The following TRIM5 variants were observed in gnomAD, a reference collection of about 807,000 sequenced individuals.
TRIM5 encodes tripartite motif containing 5, also known as tripartite motif-containing protein 5.
A neutral mutation model predicts 35.6 loss-of-function variants in TRIM5; 31 were observed. That is an observed-to-expected ratio of 0.87 (90% CI 0.65 to 1.18). The LOEUF (loss-of-function observed/expected upper bound fraction) is 1.18. TRIM5 is among the 50% of genes most tolerant of loss of function. TRIM5 has a pLI of 0.00. For missense variants in TRIM5, 609 were observed against 591.6 expected (o/e 1.03, Z -0.31); for synonymous variants, 243 against 215.6 (o/e 1.13, Z -1.11).
At chr11:5,669,078 T>A (rs1174957845) in intron 4 of TRIM5, among the ~76,000 whole-genome samples, 2 of 136,586 alleles carry the variant, frequency 1.5e-5, no homozygotes, top group Admixed American at 7.1e-5. Context: ...TTGGTCTACA[T>A]TCTTTTTTTT....
At chr11:5,625,068 G>GGGA in the TRIM5 span, 1 of 152,414 alleles carries the variant, frequency 6.6e-6, no homozygotes, top group East Asian at 1.9e-4. Flanking sequence ...AAGGTGTGTG[G>GGGA]GGAGGTTTGT....
chr11:5,605,171 G>A, the TRIM5 span: 1 of 910,026 alleles, frequency 1.1e-6, no homozygotes, highest in Non-Finnish European at 1.7e-6. Context: ...AGGGAGAAAA[G>A]AAGGAAAGAA....
At chr11:5,649,369 G>A in the TRIM5 span, among the ~76,000 whole-genome samples, 1 of 152,116 alleles carries the variant, frequency 6.6e-6, no homozygotes, top group Non-Finnish European at 1.5e-5. Flanking sequence ...GAAGGGGCTT[G>A]GCCATTCCTC....
chr11:5,642,949 C>A, the TRIM5 span: 3 of 1,495,398 alleles, frequency 2.0e-6, no homozygotes, highest in African/African-American at 2.8e-5. Flanking sequence ...TCAGCACCTC[C>A]CAAAACATTT....
chr11:5,657,645 T>TA, the TRIM5 span, among the ~76,000 whole-genome samples: 2 of 122,438 alleles, frequency 1.6e-5, no homozygotes, highest in African/African-American at 6.4e-5. Context: ...ATATTATTTA[T>TA]ATATTATATA....
At chr11:5,660,880 A>C (rs998340539), downstream of TRIM5, among the ~76,000 whole-genome samples, 37 of 151,680 alleles carry the variant, frequency 2.4e-4, no homozygotes, top group African/African-American at 8.5e-4. Flanking sequence ...GACTCTACTA[A>C]AAATACCAAA....
At position 5,675,256 on chromosome 11, in the gene TRIM5, T is replaced by C. The variant is rs140922519; in HGVS notation, c.744+2948A>G. Among the ~76,000 whole-genome samples the C allele has an allele frequency of 3.8e-3, 575 of 152,204 alleles. 6 individuals are homozygous for C. Among genetic ancestry groups the C allele is most frequent in the African/African-American group, 0.014 (561 of 41,516 alleles). On this transcript the variant is annotated intron_variant, in intron 4 of 7. Coordinates refer to ENST00000380034, the MANE Select transcript of TRIM5 (RefSeq NM_033034.3). Reference sequence around the variant, plus strand: ...ATGCAAAATGAAAATATGCGGCCCCTTGTTCAAAATTTATTAAACATTTCA... The same window carrying C: ...ATGCAAAATGAAAATATGCGGCCCCCTGTTCAAAATTTATTAAACATTTCA...
the TRIM5 span, among the ~76,000 whole-genome samples, chr11:5,594,515 C>T: frequency 6.6e-6 from 1 of 152,062 alleles, no homozygotes; most frequent in Non-Finnish European, 1.5e-5. Flanking sequence ...CTATGTTGCC[C>T]AGGTTGGCCT....
At chr11:5,592,303 G>C in the TRIM5 span, among the ~76,000 whole-genome samples, 1 of 152,116 alleles carries the variant, frequency 6.6e-6, no homozygotes, top group African/African-American at 2.4e-5. Flanking sequence ...TCACTGACGA[G>C]CTATTGTGTT....
the TRIM5 span, among the ~76,000 whole-genome samples, chr11:5,609,503 T>C: frequency 8.5e-5 from 13 of 152,172 alleles, no homozygotes; most frequent in Non-Finnish European, 1.8e-4. Flanking sequence ...ATATCTTTTT[T>C]TAGAGGTAGC....
At chr11:5,610,878 T>G in the TRIM5 span, 5 of 1,614,206 alleles carry the variant, frequency 3.1e-6, no homozygotes, top group Admixed American at 1.7e-5. Flanking sequence ...TGGACCTTCC[T>G]GTCTGGAAAA....
chr11:5,641,233 A>G, the TRIM5 span: 3 of 1,613,614 alleles, frequency 1.9e-6, no homozygotes, highest in Non-Finnish European at 2.5e-6. Context: ...GTTATAAAGA[A>G]GTGTTTGTAG....
At chr11:5,667,922 C>T (rs1851269642) in intron 4 of TRIM5, among the ~76,000 whole-genome samples, 1 of 152,100 alleles carries the variant, frequency 6.6e-6, no homozygotes, top group Non-Finnish European at 1.5e-5. Context: ...TAGCTTTCAT[C>T]CCTGTGGAAG....
downstream of TRIM5, among the ~76,000 whole-genome samples, chr11:5,662,119 G>A (rs1459331594): frequency 6.6e-6 from 1 of 152,226 alleles, no homozygotes. Context: ...TGGTGCTGAG[G>A]TAGAGAGGTG....
At position 5,678,378 on chromosome 11, in the gene TRIM5, G is replaced by A. The variant is rs1310074289; in HGVS notation, c.570C>T (p.Asp190=). 6.2e-7 allele frequency: 1 copy of A among 1,603,736 alleles called. No individual in the cohort carries two copies. The highest frequency in any genetic ancestry group is 2.2e-5 in the East Asian group (1 of 44,626). ...NVLADFEQLR[D]ILDWEESNEL... is the part of the protein sequence containing the mutation. ...CATTGCTCTCCTCCCAGTCCAGGAT[G>A]TCTCTCAGTTGCTCAAAATCTGCCA... is the stretch of plus-strand genomic sequence containing the variant. The change falls in exon 4 of 8, where the codon GAC becomes GAT. Residue 190 remains aspartate (D), a synonymous_variant. Transcript: ENST00000380034.
intron 1 of TRIM5, among the ~76,000 whole-genome samples, chr11:5,680,629 C>T (rs1038537365): frequency 1.3e-5 from 2 of 152,220 alleles, no homozygotes; most frequent in Non-Finnish European, 2.9e-5. Context: ...AGGGCTTTCA[C>T]ATTTGCTCTT....
the TRIM5 span, chr11:5,596,905 G>A: frequency 1.5e-5 from 25 of 1,613,916 alleles, no homozygotes; most frequent in South Asian, 2.2e-5. Flanking sequence ...CAGATGTGCG[G>A]GTCAGAGAGG....
chr11:5,655,564 A>G, the TRIM5 span: 1 of 862,522 alleles, frequency 1.2e-6, no homozygotes, highest in Non-Finnish European at 1.4e-6. Context: ...TTATTTCAGT[A>G]AGAAACATTC....
the TRIM5 span, among the ~76,000 whole-genome samples, chr11:5,620,293 TC>T: frequency 0.063 from 9,368 of 148,000 alleles, 887 homozygotes; most frequent in African/African-American, 0.21. Context: ...TTCTCCTGCC[TC>T]AACCTCCCAA....
Sources: gnomAD v4.1 joint callset for allele counts (sites outside exome capture counted in the v4.1 genomes callset) on GRCh38, gnomAD v4.1.1 for gene constraint, MANE v1.5 for transcripts, NCBI Gene and HGNC (gene_info 2026-07-23, HGNC 2026-07-21) for gene names.